Variants in ABI2 observed in about 807,000 individuals in gnomAD.
ABI2 encodes the protein abelson interactor 2.
In ABI2, 25 loss-of-function variants were observed where a neutral mutation model predicts 59.2. That is an observed-to-expected ratio of 0.42 (90% confidence interval 0.31 to 0.59). The LOEUF is 0.59. Ranked by LOEUF, ABI2 falls within the 20% of genes least tolerant of loss-of-function variation. The probability of loss-of-function intolerance (pLI) is 0.14; values close to 1 mark genes in which losing one functional copy is unlikely to be tolerated. For missense variants in ABI2, 545 were observed against 681.8 expected (o/e 0.80, Z 2.23); for synonymous variants, 213 against 235.5 (o/e 0.90, Z 0.87).
chr2:203,329,130 T>C (rs1458322417), intron 1 of ABI2: 2 of 152,326 alleles, frequency 1.3e-5, no homozygotes, highest in Non-Finnish European at 2.9e-5. Context: ...AAACCCTTTC[T>C]TAATATTTTA....
At chr2:203,426,575 A>G (rs2098429685) in intron 11 of ABI2, among the ~76,000 whole-genome samples, 4 of 152,148 alleles carry the variant, frequency 2.6e-5, no homozygotes, top group Admixed American at 2.6e-4. Context: ...AGTGCAGCAT[A>G]TGTTTTGAAA....
chr2:203,425,093 C>G (rs1431001555), intron 11 of ABI2, among the ~76,000 whole-genome samples: 1 of 147,148 alleles, frequency 6.8e-6, no homozygotes, highest in Non-Finnish European at 1.5e-5. Context: ...CTTAGGCTGG[C>G]AATTTCTACA....
At chr2:203,412,637 A>G (rs918943367) in intron 10 of ABI2, among the ~76,000 whole-genome samples, 1 of 152,120 alleles carries the variant, frequency 6.6e-6, no homozygotes. Context: ...TATGTTTTAA[A>G]TTATGCTATT....
chr2:203,415,142 A>G (rs1351432439), intron 10 of ABI2, among the ~76,000 whole-genome samples: 1 of 152,208 alleles, frequency 6.6e-6, no homozygotes, highest in Non-Finnish European at 1.5e-5. Flanking sequence ...GGTAAATCAC[A>G]TATCTATATC....
At chr2:203,354,066 A>G (rs1047758126) in intron 1 of ABI2, among the ~76,000 whole-genome samples, 2 of 152,048 alleles carry the variant, frequency 1.3e-5, no homozygotes, top group African/African-American at 4.8e-5. Context: ...TATTTTTGAG[A>G]CAAGGTTTGA....
chr2:203,341,723 AG>A (rs1441726481), intron 1 of ABI2, among the ~76,000 whole-genome samples: 17 of 152,198 alleles, frequency 1.1e-4, no homozygotes, highest in Non-Finnish European at 1.5e-5. Flanking sequence ...AAAAAACAAA[AG>A]AAATTAGTTT....
chr2:203,383,619 C>A (rs921633522), intron 4 of ABI2, among the ~76,000 whole-genome samples: 1 of 152,130 alleles, frequency 6.6e-6, no homozygotes, highest in Non-Finnish European at 1.5e-5. Context: ...GATGTTCCTG[C>A]GTCAGGATCT....
chr2:203,418,467 G>A (rs1390415149), intron 11 of ABI2, among the ~76,000 whole-genome samples: 1 of 152,256 alleles, frequency 6.6e-6, no homozygotes, highest in Non-Finnish European at 1.5e-5. Flanking sequence ...GCAGGATTTA[G>A]TTCCTTGTGG....
At chr2:203,351,910 G>C (rs1045292144) in intron 1 of ABI2, among the ~76,000 whole-genome samples, 1 of 152,188 alleles carries the variant, frequency 6.6e-6, no homozygotes, top group Non-Finnish European at 1.5e-5. Context: ...CAGCATATAT[G>C]ATGGTGGTCC....
At chr2:203,413,519 C>T (rs188744775) in intron 10 of ABI2, among the ~76,000 whole-genome samples, 2 of 152,252 alleles carry the variant, frequency 1.3e-5, no homozygotes, top group Admixed American at 6.5e-5. Context: ...ATTTGACCAC[C>T]CTATCACAGT....
intron 5 of ABI2, among the ~76,000 whole-genome samples, chr2:203,392,649 CTG>C (rs1157793019): frequency 6.6e-6 from 1 of 152,116 alleles, no homozygotes; most frequent in Non-Finnish European, 1.5e-5. Flanking sequence ...AAGAGGAACT[CTG>C]TTTTTATTTT....
At chr2:203,409,649 C>T (rs1580119189) in intron 9 of ABI2, among the ~76,000 whole-genome samples, 2 of 152,316 alleles carry the variant, frequency 1.3e-5, no homozygotes, top group East Asian at 1.9e-4. Flanking sequence ...CTACTCTCTT[C>T]CCACACTTTT....
chr2:203,330,006 G>C (rs1455074617), intron 1 of ABI2, among the ~76,000 whole-genome samples: 1 of 152,090 alleles, frequency 6.6e-6, no homozygotes, highest in African/African-American at 2.4e-5. Context: ...CAAAGTGCTG[G>C]GATTATAGGC....
intron 6 of ABI2, among the ~76,000 whole-genome samples, 171 bp from the exon 7 acceptor site, chr2:203,395,485 A>ACACACT (rs1553589685): frequency 6.8e-6 from 1 of 146,098 alleles, no homozygotes; most frequent in Non-Finnish European, 1.5e-5. Context: ...ACACACACAC[A>ACACACT]TTTTTTTTTA....
At chr2:203,385,661 A>G (rs2096473941) in intron 4 of ABI2, among the ~76,000 whole-genome samples, 1 of 152,122 alleles carries the variant, frequency 6.6e-6, no homozygotes, top group African/African-American at 2.4e-5. Flanking sequence ...TTGAAGGTAC[A>G]CTCTTAAAAA....
At chr2:203,381,456 A>C (rs1410621524) in intron 3 of ABI2, among the ~76,000 whole-genome samples, 3 of 152,128 alleles carry the variant, frequency 2.0e-5, no homozygotes, top group African/African-American at 4.8e-5. Context: ...TTGTAGTGAC[A>C]GGGCCTGTCT....
chr2:203,346,320 T>C (rs1431548163), intron 1 of ABI2, among the ~76,000 whole-genome samples: 2 of 152,208 alleles, frequency 1.3e-5, no homozygotes, highest in Admixed American at 1.3e-4. Flanking sequence ...AGGTTTTTGC[T>C]AACAACCACA....
At chr2:203,346,650 C>T (rs111665039) in intron 1 of ABI2, among the ~76,000 whole-genome samples, 4 of 152,344 alleles carry the variant, frequency 2.6e-5, no homozygotes, top group African/African-American at 9.6e-5. Flanking sequence ...TTGTGCTGTT[C>T]TCTTTCTCAT....
intron 1 of ABI2, among the ~76,000 whole-genome samples, chr2:203,338,975 T>TATAA (rs1416611801): frequency 2.2e-3 from 21 of 9,500 alleles, no homozygotes; most frequent in Admixed American, 4.4e-3. Context: ...TATATATATA[T>TATAA]ATATATAAAT....
Sources: gnomAD v4.1 joint callset for allele counts (sites outside exome capture counted in the v4.1 genomes callset) on GRCh38, gnomAD v4.1.1 for gene constraint, MANE v1.5 for transcripts, NCBI Gene and HGNC (gene_info 2026-07-23, HGNC 2026-07-21) for gene names.